Variants in CNTNAP5 observed in about 807,000 individuals in gnomAD.
CNTNAP5 encodes the protein contactin-associated protein-like 5.
CNTNAP5 carries 72 observed loss-of-function variants against 150.2 expected under a neutral mutation model. That is an observed-to-expected ratio of 0.48 (90% CI 0.40 to 0.58). The LOEUF is 0.58. Ranked by LOEUF, CNTNAP5 falls within the 20% of genes least tolerant of loss-of-function variation. The pLI, the probability that CNTNAP5 is intolerant of heterozygous loss-of-function variation, is 0.00. For synonymous variants in CNTNAP5, 672 were observed against 619.8 expected (o/e 1.08, Z -1.25); for missense variants, 1,636 against 1,626.2 (o/e 1.01, Z -0.10).
chr2:124,867,349 G>T (rs1042604325), intron 20 of CNTNAP5, among the ~76,000 whole-genome samples: 3 of 152,074 alleles, frequency 2.0e-5, no homozygotes, highest in Non-Finnish European at 4.4e-5. Context: ...TTATATGCTT[G>T]TTCTTCATAT....
At chr2:124,061,805 T>C (rs897405899) in intron 1 of CNTNAP5, among the ~76,000 whole-genome samples, 1 of 152,196 alleles carries the variant, frequency 6.6e-6, no homozygotes, top group Non-Finnish European at 1.5e-5. Context: ...TCTCCTCTTC[T>C]CAACCTGCTA....
chr2:124,145,829 GAAGAAAA>G (rs1558773936), intron 1 of CNTNAP5, among the ~76,000 whole-genome samples: 7 of 25,178 alleles, frequency 2.8e-4, no homozygotes, highest in African/African-American at 9.3e-4. Context: ...AAAAAAAAAA[GAAGAAAA>G]AAAAAAAAAA....
chr2:124,384,887 C>T (rs950546140), intron 3 of CNTNAP5, among the ~76,000 whole-genome samples: 2 of 152,114 alleles, frequency 1.3e-5, no homozygotes, highest in African/African-American at 4.8e-5. Context: ...CCTACCTTTC[C>T]CATCCACAAT....
chr2:124,712,832 C>G (rs1258944358), intron 13 of CNTNAP5, among the ~76,000 whole-genome samples: 2 of 151,842 alleles, frequency 1.3e-5, no homozygotes, highest in African/African-American at 2.4e-5. Flanking sequence ...ACTGAAGCCT[C>G]GAATTCCTGA....
In CNTNAP5 at chr2:124,512,304, G is replaced by A. The variant is rs77253628; in HGVS notation, c.1327+7748G>A. Among the ~76,000 whole-genome samples the A allele has an allele frequency of 3.6e-4, 55 of 151,874 alleles. No homozygotes were observed. In the East Asian group the frequency reaches 0.01, roughly 29 times the overall value. On this transcript the variant is annotated intron_variant, in intron 8 of 23. Coordinates refer to ENST00000682447, the MANE Select transcript of CNTNAP5 (RefSeq NM_001367498.1). ...CACCAGAGGCATCAAACTCAGCCTGGGATTTTCAGTATTAAAGAGTAAGTC... is the reference window on the plus strand; with the variant it reads ...CACCAGAGGCATCAAACTCAGCCTGAGATTTTCAGTATTAAAGAGTAAGTC...
chr2:124,264,310 C>T (rs531118211), intron 3 of CNTNAP5, among the ~76,000 whole-genome samples: 4 of 151,406 alleles, frequency 2.6e-5, no homozygotes, highest in South Asian at 2.1e-4. Flanking sequence ...AATAATATTC[C>T]GGTTGAGAGT....
intron 8 of CNTNAP5, among the ~76,000 whole-genome samples, chr2:124,517,331 T>C (rs1694744581): frequency 6.6e-6 from 1 of 150,510 alleles, no homozygotes; most frequent in East Asian, 2.0e-4. Flanking sequence ...AGGGTTGTGG[T>C]GTTGATGATG....
At chr2:124,913,983 T>G in intron 23 of CNTNAP5, 109 bp from the exon 24 acceptor site, 1 of 696,996 alleles carries the variant, frequency 1.4e-6, no homozygotes, top group Non-Finnish European at 2.4e-6. Flanking sequence ...GTGATTTGTT[T>G]TGTTTTGCTT....
At chr2:124,120,165 G>A (rs1391007545) in intron 1 of CNTNAP5, among the ~76,000 whole-genome samples, 1 of 152,144 alleles carries the variant, frequency 6.6e-6, no homozygotes, top group Non-Finnish European at 1.5e-5. Flanking sequence ...TACGGTATAG[G>A]GCTGGAAGTT....
chr2:124,268,334 A>G (rs1335653415), intron 3 of CNTNAP5, among the ~76,000 whole-genome samples: 1 of 152,156 alleles, frequency 6.6e-6, no homozygotes, highest in Non-Finnish European at 1.5e-5. Context: ...ACCACTTTGT[A>G]TAAGCTCTGT....
intron 23 of CNTNAP5, among the ~76,000 whole-genome samples, chr2:124,913,509 C>T (rs1461315751): frequency 6.6e-6 from 1 of 152,060 alleles, no homozygotes; most frequent in Admixed American, 6.6e-5. Flanking sequence ...GGCATCTTGT[C>T]ACTGAATGAG....
At chr2:124,496,268 C>A (rs1413643240) in intron 7 of CNTNAP5, among the ~76,000 whole-genome samples, 1 of 152,186 alleles carries the variant, frequency 6.6e-6, no homozygotes, top group East Asian at 1.9e-4. Flanking sequence ...ACAGGGCAGT[C>A]TTTTCCCTAC....
intron 1 of CNTNAP5, among the ~76,000 whole-genome samples, chr2:124,103,377 T>G (rs1336910948): frequency 6.6e-6 from 1 of 152,162 alleles, no homozygotes; most frequent in African/African-American, 2.4e-5. Flanking sequence ...GTACAGTGTT[T>G]ATAAGGCCTA....
intron 12 of CNTNAP5, among the ~76,000 whole-genome samples, chr2:124,639,067 G>A (rs966867500): frequency 6.6e-6 from 1 of 152,192 alleles, no homozygotes; most frequent in Non-Finnish European, 1.5e-5. Flanking sequence ...TGTCACTGAA[G>A]TGGATAAAAA....
chr2:124,226,674 T>C (rs1055824732), intron 2 of CNTNAP5, among the ~76,000 whole-genome samples: 1 of 152,182 alleles, frequency 6.6e-6, no homozygotes, highest in African/African-American at 2.4e-5. Flanking sequence ...CATTTCAGTT[T>C]CTTATACAAG....
At chr2:124,351,377 GCTGT>G (rs1689871302) in intron 3 of CNTNAP5, among the ~76,000 whole-genome samples, 1 of 152,102 alleles carries the variant, frequency 6.6e-6, no homozygotes, top group Non-Finnish European at 1.5e-5. Flanking sequence ...GGCTCCACTG[GCTGT>G]CTATCATTTG....
intron 12 of CNTNAP5, among the ~76,000 whole-genome samples, chr2:124,617,587 G>A (rs1285736782): frequency 6.6e-6 from 1 of 152,046 alleles, no homozygotes; most frequent in African/African-American, 2.4e-5. Flanking sequence ...ACTGGATTAA[G>A]CCCACCCTAA....
At chr2:124,641,336 C>T (rs1678089934) in intron 12 of CNTNAP5, among the ~76,000 whole-genome samples, 1 of 151,996 alleles carries the variant, frequency 6.6e-6, no homozygotes, top group Admixed American at 6.6e-5. Flanking sequence ...GCAGAGCTGG[C>T]ATTGGAAGCC....
At chr2:124,378,473 G>C (rs1040437198) in intron 3 of CNTNAP5, among the ~76,000 whole-genome samples, 2 of 151,980 alleles carry the variant, frequency 1.3e-5, no homozygotes, top group African/African-American at 4.8e-5. Flanking sequence ...TATTATCAAT[G>C]TAAAACAGTA....
Sources: gnomAD v4.1 joint callset for allele counts (sites outside exome capture counted in the v4.1 genomes callset) on GRCh38, gnomAD v4.1.1 for gene constraint, MANE v1.5 for transcripts, NCBI Gene and HGNC (gene_info 2026-07-23, HGNC 2026-07-21) for gene names.